UBE3C: variants seen among roughly 807,000 people sequenced by gnomAD.
UBE3C encodes the protein ubiquitin-protein ligase E3C.
A neutral mutation model predicts 129.4 loss-of-function variants in UBE3C; 42 were observed. The ratio of observed to expected loss-of-function variants is 0.32; its 90% CI spans 0.25 to 0.42. UBE3C has a LOEUF of 0.42. Ranked by LOEUF, UBE3C falls within the 10% of genes least tolerant of loss-of-function variation. The pLI, the probability that UBE3C is intolerant of heterozygous loss-of-function variation, is 1.00. For missense variants in UBE3C, 1,049 were observed against 1,319.1 expected (o/e 0.80, Z 3.17); for synonymous variants, 510 against 492.4 (o/e 1.04, Z -0.47).
At chr7:157,265,641 G>A (rs1444893073) in intron 22 of UBE3C, among the ~76,000 whole-genome samples, 1 of 152,202 alleles carries the variant, frequency 6.6e-6, no homozygotes. Flanking sequence ...CAAGATGAGC[G>A]AGACCCATTA....
chr7:157,141,275 T>A (rs1807440497), intron 1 of UBE3C, among the ~76,000 whole-genome samples: 1 of 151,960 alleles, frequency 6.6e-6, no homozygotes, highest in Non-Finnish European at 1.5e-5. Flanking sequence ...ATATGGACAC[T>A]CTCCTGTAGA....
intron 1 of UBE3C, among the ~76,000 whole-genome samples, chr7:157,146,888 T>C (rs1329719170): frequency 6.6e-6 from 1 of 152,168 alleles, no homozygotes; most frequent in African/African-American, 2.4e-5. Flanking sequence ...TGACCTGAAG[T>C]GATCCGCCTG....
At chr7:157,147,074 C>A (rs563122999) in intron 1 of UBE3C, among the ~76,000 whole-genome samples, 14 of 151,888 alleles carry the variant, frequency 9.2e-5, no homozygotes, top group Admixed American at 4.6e-4. Context: ...ACAAAAAAAA[C>A]CTGTGGAATT....
At chr7:157,216,082 G>C (rs887773286) in intron 13 of UBE3C, among the ~76,000 whole-genome samples, 4 of 152,166 alleles carry the variant, frequency 2.6e-5, no homozygotes, top group African/African-American at 9.7e-5. Flanking sequence ...GTTTGGAAAG[G>C]TTATCAAGGA....
At chr7:157,177,251 T>C (rs1808542800) in intron 5 of UBE3C, among the ~76,000 whole-genome samples, 1 of 152,238 alleles carries the variant, frequency 6.6e-6, no homozygotes, top group Non-Finnish European at 1.5e-5. Context: ...GGATTACTAA[T>C]GATGACGGGT....
In UBE3C at chr7:157,220,283, A is replaced by G. The variant is rs377523318; in HGVS notation, c.1915-406A>G. Among the ~76,000 whole-genome samples, 10 of 152,272 alleles carry G rather than the reference A, an allele frequency of 6.6e-5. No homozygotes were observed. In the East Asian group the frequency reaches 1.9e-3, roughly 29 times the overall value. ...GACAGATGAAAAATAACTTGAGAAA[A>G]TATACTGTGTCTGTTTTATTTGAAT... On this transcript the variant is annotated intron_variant, in intron 14 of 22. Transcript: ENST00000348165.
intron 22 of UBE3C, among the ~76,000 whole-genome samples, chr7:157,257,532 C>T (rs892214248): frequency 2.0e-5 from 3 of 151,944 alleles, no homozygotes; most frequent in Admixed American, 2.0e-4. Context: ...GTCAGGAGTT[C>T]GAGACCAGCC....
intron 22 of UBE3C, among the ~76,000 whole-genome samples, chr7:157,264,283 A>ATGCT (rs1797008624): frequency 8.1e-6 from 1 of 123,682 alleles, no homozygotes; most frequent in East Asian, 2.6e-4. Flanking sequence ...GTAAGCCAAC[A>ATGCT]TGCTTGGCCT....
At chr7:157,184,786 G>A (rs957516578) in intron 9 of UBE3C, among the ~76,000 whole-genome samples, 1 of 152,186 alleles carries the variant, frequency 6.6e-6, no homozygotes, top group Non-Finnish European at 1.5e-5. Context: ...AGCTTCACTA[G>A]TATCGAATGA....
chr7:157,182,454 C>T, intron 8 of UBE3C, 126 bp downstream of exon 8: 2 of 921,346 alleles, frequency 2.2e-6, no homozygotes, highest in Non-Finnish European at 3.2e-6. Flanking sequence ...AGTGTATTTG[C>T]TGGAGGGATG....
intron 2 of UBE3C, among the ~76,000 whole-genome samples, chr7:157,165,150 G>A (rs76132781): frequency 0.013 from 1,936 of 152,184 alleles, 43 homozygotes; most frequent in African/African-American, 0.045. Flanking sequence ...ATATTTGTTG[G>A]TTGGTGTTTT....
intron 10 of UBE3C, among the ~76,000 whole-genome samples, chr7:157,190,957 G>A (rs1808946955): frequency 1.3e-5 from 2 of 152,116 alleles, no homozygotes. Context: ...TGTCTGGGCT[G>A]GCATGTTCTC....
At chr7:157,141,725 T>C (rs921860253) in intron 1 of UBE3C, among the ~76,000 whole-genome samples, 1 of 152,222 alleles carries the variant, frequency 6.6e-6, no homozygotes, top group Non-Finnish European at 1.5e-5. Context: ...CCTCCATTAC[T>C]GTAGATGAGC....
chr7:157,203,213 TAAGTG>T (rs1383598405), intron 11 of UBE3C, among the ~76,000 whole-genome samples: 2 of 152,150 alleles, frequency 1.3e-5, no homozygotes, highest in Non-Finnish European at 2.9e-5. Context: ...AATTGAATCT[TAAGTG>T]AGGAAAGGGG....
chr7:157,151,560 C>T (rs1390054954), intron 1 of UBE3C, among the ~76,000 whole-genome samples: 3 of 152,110 alleles, frequency 2.0e-5, no homozygotes, highest in Non-Finnish European at 2.9e-5. Context: ...TACCTTCTCC[C>T]GTATGCTGCT....
rs770697534 is a variant in UBE3C at position 157,184,012 on chromosome 7, G to C, written c.1126G>C (p.Asp376His). 5 of 1,613,952 alleles carry C rather than the reference G, an allele frequency of 3.1e-6. No individual in the cohort carries two copies. In the Admixed American group the frequency reaches 8.3e-5, roughly 27 times the overall value. Residue 376 changes from aspartate (D) to histidine (H), a missense_variant, in exon 9 of 23, where the codon GAC becomes CAC. Asp to His is a moderately conservative substitution (Grantham distance 81). This residue lies in a region of UBE3C where 489 missense variants were observed against 513.8 expected (regional missense o/e 0.95). Transcript: ENST00000348165. ...CTCTGAGGAGGAGAGTGAAGAAGCC[G>C]ACAAGCCCTCAAGCCCGGTAAGCCC... Reference protein sequence around the residue: ...SDSEEESEEADKPSSPEDGRL... With the variant: ...SDSEEESEEAHKPSSPEDGRL...
intron 15 of UBE3C, chr7:157,221,926 G>C (rs1222184977): frequency 6.6e-6 from 1 of 151,998 alleles, no homozygotes; most frequent in African/African-American, 2.4e-5. Context: ...CTGGAGTGCA[G>C]AGGCGCAATC....
chr7:157,151,473 A>G (rs1408014469), intron 1 of UBE3C, among the ~76,000 whole-genome samples: 1 of 152,168 alleles, frequency 6.6e-6, no homozygotes, highest in Non-Finnish European at 1.5e-5. Flanking sequence ...AAAAACAAGT[A>G]AATAGAGACC....
At chr7:157,245,140 G>A (rs1317295360) in intron 18 of UBE3C, among the ~76,000 whole-genome samples, 1 of 152,134 alleles carries the variant, frequency 6.6e-6, no homozygotes, top group Non-Finnish European at 1.5e-5. Flanking sequence ...TAAATGCTCT[G>A]AAGGTTTAAA....
Sources: allele counts gnomAD v4.1 joint callset (sites outside exome capture counted in the v4.1 genomes callset), GRCh38; gene constraint gnomAD v4.1.1; regional missense constraint gnomAD v4.1.1; transcripts MANE v1.5; gene names NCBI Gene and HGNC (gene_info 2026-07-23, HGNC 2026-07-21).